ZBTB20: variants seen among roughly 807,000 people sequenced by gnomAD.
ZBTB20 encodes zinc finger and BTB domain containing 20.
Under a neutral mutation model 56.9 loss-of-function variants are expected in ZBTB20, and 9 were observed. The observed-to-expected ratio is 0.16, with a 90% confidence interval of 0.10 to 0.28. The LOEUF (loss-of-function observed/expected upper bound fraction) is 0.28. Among genes scored for constraint, ZBTB20 ranks in the 10% least tolerant of loss-of-function variants. The probability of loss-of-function intolerance (pLI) is 1.00; values close to 1 mark genes in which losing one functional copy is unlikely to be tolerated. For synonymous variants in ZBTB20, 417 were observed against 420.7 expected (o/e 0.99, Z 0.11); for missense variants, 655 against 1,003.0 (o/e 0.65, Z 4.69).
At chr3:114,894,244 C>G (rs765861856) in intron 4 of ZBTB20, among the ~76,000 whole-genome samples, 1 of 152,176 alleles carries the variant, frequency 6.6e-6, no homozygotes, top group Non-Finnish European at 1.5e-5. Context: ...GGAGAAATAA[C>G]ATCTTCCTCA....
At chr3:114,469,057 A>C (rs2109233554) in intron 7 of ZBTB20, among the ~76,000 whole-genome samples, 1 of 151,012 alleles carries the variant, frequency 6.6e-6, no homozygotes, top group Admixed American at 6.6e-5. Context: ...TTTGGTGTGA[A>C]ATCTCTTTAA....
rs372362367 is a variant in ZBTB20, at chr3:115,123,064, T to A, written c.-703+24155A>T. Among the ~76,000 whole-genome samples, 6 of 152,272 alleles carry A rather than the reference T, an allele frequency of 3.9e-5. No individual in the cohort carries two copies. In the East Asian group the frequency reaches 7.7e-4, roughly 20 times the overall value. The stretch of plus-strand genomic sequence containing the variant: ...TTTCAAATGATCTGTCACAGGCTAG[T>A]TCTGTGTGCCATGCTACAATACACT... On this transcript the variant is annotated intron_variant, in intron 1 of 11. Coordinates refer to ENST00000675478, the MANE Select transcript of ZBTB20 (RefSeq NM_001348800.3).
intron 7 of ZBTB20, among the ~76,000 whole-genome samples, chr3:114,443,825 GA>G (rs1470050467): frequency 2.6e-5 from 4 of 152,204 alleles, no homozygotes; most frequent in African/African-American, 9.6e-5. Context: ...AGTATCCTAG[GA>G]AGGCAGATAT....
At chr3:114,582,460 C>A (rs373259417) in intron 6 of ZBTB20, among the ~76,000 whole-genome samples, 4 of 151,984 alleles carry the variant, frequency 2.6e-5, no homozygotes, top group South Asian at 4.2e-4. Context: ...TCTCAGCCCA[C>A]TACAACCTCC....
At chr3:114,445,706 T>G (rs2091227979) in intron 7 of ZBTB20, 1 of 152,174 alleles carries the variant, frequency 6.6e-6, no homozygotes, top group Non-Finnish European at 1.5e-5. Context: ...TTTGTAAACT[T>G]GGACAGCAGC....
chr3:114,738,001 T>A (rs932142837), intron 5 of ZBTB20, among the ~76,000 whole-genome samples: 8 of 152,310 alleles, frequency 5.3e-5, no homozygotes, highest in Non-Finnish European at 8.8e-5. Context: ...TTGCTTTTTT[T>A]CTAGTAATGG....
chr3:114,758,139 G>GAT (rs1306962667), intron 5 of ZBTB20, among the ~76,000 whole-genome samples: 1 of 152,058 alleles, frequency 6.6e-6, no homozygotes, highest in Non-Finnish European at 1.5e-5. Context: ...ATCTGCAATG[G>GAT]ATATATATAT....
intron 7 of ZBTB20, among the ~76,000 whole-genome samples, chr3:114,430,530 T>C (rs1361037042): frequency 6.6e-6 from 1 of 152,206 alleles, no homozygotes; most frequent in African/African-American, 2.4e-5. Context: ...CCCAATTAAT[T>C]CGAATATAAA....
chr3:114,618,768 A>C (rs2058111034), intron 6 of ZBTB20, among the ~76,000 whole-genome samples: 1 of 152,212 alleles, frequency 6.6e-6, no homozygotes, highest in South Asian at 2.1e-4. Context: ...TACATAGCTT[A>C]AACAGGTTTG....
At chr3:114,762,900 T>C (rs757820340) in intron 5 of ZBTB20, among the ~76,000 whole-genome samples, 5 of 152,176 alleles carry the variant, frequency 3.3e-5, no homozygotes, top group South Asian at 2.1e-4. Flanking sequence ...TAGCCTTATA[T>C]AGGAAAACCT....
chr3:114,382,779 CTTAG>C (rs1212236898), intron 8 of ZBTB20, among the ~76,000 whole-genome samples: 9 of 152,258 alleles, frequency 5.9e-5, no homozygotes, highest in African/African-American at 2.2e-4. Flanking sequence ...AAGGAAATGT[CTTAG>C]TTATTTTAGT....
Position 114,351,830 on chromosome 3 carries a change from A to C in ZBTB20, c.248T>G (p.Leu83Arg). The C allele has an allele frequency of 6.2e-7, 1 of 1,604,084 alleles. No individual in the cohort carries two copies. Among genetic ancestry groups the C allele is most frequent in the Non-Finnish European group, 8.5e-7 (1 of 1,171,726 alleles). Residue 83 changes from leucine to arginine, a missense_variant, in exon 11 of 12, where the codon CTT (leucine) becomes CGT (arginine). By Grantham distance (102) the Leu-to-Arg change is moderately radical. Coordinates refer to ENST00000675478, the MANE Select transcript of ZBTB20 (RefSeq NM_001348800.3). Reference protein sequence around the residue: ...GMTERIHSINLHNFSNSVLET... With the variant: ...GMTERIHSINRHNFSNSVLET... The stretch of plus-strand genomic sequence containing the variant: ...GAGCACGGAATTGCTGAAGTTGTGA[A>C]GGTTGATGCTGTGAATGCGCTCGGT...
At chr3:114,378,252 A>G (rs1036958541) in intron 10 of ZBTB20, among the ~76,000 whole-genome samples, 1 of 152,240 alleles carries the variant, frequency 6.6e-6, no homozygotes, top group Non-Finnish European at 1.5e-5. Context: ...TGTAGGCTCA[A>G]ATCAGGACAA....
rs141779381 is a variant in ZBTB20, at chr3:114,532,838, C to T, written c.-294-32447G>A. On this transcript the variant is annotated intron_variant, in intron 6 of 11. Coordinates refer to ENST00000675478, the MANE Select transcript of ZBTB20 (RefSeq NM_001348800.3). ...TTCTGTAGCCTCTGCTGGTGGTACC[C>T]AGGCAAACAGGGTCTGGAGTGGATG... Among the ~76,000 whole-genome samples, 521 of 152,294 alleles carry T rather than the reference C, an allele frequency of 3.4e-3. 1 individual carries two copies. The highest frequency in any genetic ancestry group is 5.4e-3 in the Non-Finnish European group (370 of 68,028).
rs1037054780 is a variant in ZBTB20, at chr3:114,970,694, G to T, written c.-456+3672C>A. Among the ~76,000 whole-genome samples the T allele has an allele frequency of 3.7e-4, 57 of 152,184 alleles. 1 individual carries two copies. Among genetic ancestry groups the T allele is most frequent in the African/African-American group, 1.4e-3 (57 of 41,446 alleles). ...CCAATAAGGTCACAATCAATTACTT[G>T]AGATAGCAGAATAAAATACAGGCTT... is the stretch of plus-strand genomic sequence containing the variant. On this transcript the variant is annotated intron_variant, in intron 3 of 11. Coordinates refer to ENST00000675478, the MANE Select transcript of ZBTB20 (RefSeq NM_001348800.3).
chr3:114,848,908 A>G (rs2074857642), intron 4 of ZBTB20, among the ~76,000 whole-genome samples: 4 of 152,186 alleles, frequency 2.6e-5, no homozygotes, highest in Admixed American at 2.6e-4. Context: ...CTACTATCAC[A>G]AGAGTGGACC....
intron 7 of ZBTB20, among the ~76,000 whole-genome samples, chr3:114,424,071 A>G (rs998962079): frequency 3.3e-5 from 5 of 152,212 alleles, no homozygotes; most frequent in African/African-American, 1.2e-4. Flanking sequence ...GCTTTTGAAA[A>G]TGCCACTTAC....
chr3:114,838,302 T>TC (rs1204558071), intron 4 of ZBTB20, among the ~76,000 whole-genome samples: 1 of 152,196 alleles, frequency 6.6e-6, no homozygotes, highest in African/African-American at 2.4e-5. Context: ...AAAAAGAATT[T>TC]AAGAACCACT....
At chr3:114,461,469 G>T (rs750450893) in intron 7 of ZBTB20, among the ~76,000 whole-genome samples, 2 of 151,962 alleles carry the variant, frequency 1.3e-5, no homozygotes, top group Non-Finnish European at 2.9e-5. Flanking sequence ...ACCATGCCAG[G>T]CTAATTTTTA....
Sources: allele counts gnomAD v4.1 joint callset (sites outside exome capture counted in the v4.1 genomes callset), GRCh38; gene constraint gnomAD v4.1.1; transcripts MANE v1.5; gene names NCBI Gene and HGNC (gene_info 2026-07-23, HGNC 2026-07-21).